Variants in ACTG1 observed in about 807,000 individuals in gnomAD.
The protein encoded by ACTG1 is actin gamma 1.
ACTG1 carries 14 observed loss-of-function variants against 34.3 expected under a neutral mutation model. That is an observed-to-expected ratio of 0.41 (90% CI 0.27 to 0.64). ACTG1 has a LOEUF of 0.64. ACTG1 is among the 30% of genes least tolerant of loss of function. The pLI is 0.33. For missense variants in ACTG1, 233 were observed against 529.5 expected (o/e 0.44, Z 5.50); for synonymous variants, 422 against 213.9 (o/e 1.97, Z -8.49).
At chr17:81,512,414 C>G in intron 1 of ACTG1, 54 bp from the exon 2 acceptor site, 1 of 1,613,232 alleles carries the variant, frequency 6.2e-7, no homozygotes, top group African/African-American at 1.3e-5. Context: ...GGTCCCCTCC[C>G]CACAGCCACC....
intron 1 of ACTG1, 148 bp downstream of exon 1, chr17:81,512,586 C>A (rs1362365792): frequency 1.3e-5 from 9 of 669,940 alleles, no homozygotes; most frequent in Admixed American, 2.7e-5. Flanking sequence ...CCGGCGCCCC[C>A]CCAGCCCCGT....
At position 81,512,150 on chromosome 17, in the gene ACTG1, GGAC is replaced by G; in HGVS notation, c.124-11_124-9del. 6.2e-7 allele frequency: 1 copy of G among 1,613,506 alleles called. No individual in the cohort carries two copies. The highest frequency in any genetic ancestry group is 8.5e-7 in the Non-Finnish European group (1 of 1,180,026). The stretch of plus-strand genomic sequence containing the variant: ...CATGCCCACCATGACGCCCTGCAGG[GGAC>G]GACCCGTCAGCCTCGCCGGCGACAC... On this transcript the variant is annotated splice_polypyrimidine_tract_variant and intron_variant, in intron 2 of 5. Coordinates refer to ENST00000573283, the MANE Select transcript of ACTG1 (RefSeq NM_001614.5).
In ACTG1 at chr17:81,512,765, A is replaced by G; in HGVS notation, c.-38T>C. Reference sequence around the variant, plus strand: ...AGAAACGCGACGGCGGAGCGGCGGAAGAACAGAGTGCGAGAGCTGGCAGCG... The same window carrying G: ...AGAAACGCGACGGCGGAGCGGCGGAGGAACAGAGTGCGAGAGCTGGCAGCG... On this transcript the variant is annotated 5_prime_UTR_variant, in exon 1 of 6. Coordinates refer to ENST00000573283, the MANE Select transcript of ACTG1 (RefSeq NM_001614.5). 1 of 415,628 alleles carries G rather than the reference A, an allele frequency of 2.4e-6. No homozygotes were observed. The highest frequency in any genetic ancestry group is 1.7e-5 in the South Asian group (1 of 59,502). 25.7% of individuals were successfully genotyped at this position (415,628 alleles called of 1,614,324 possible).
Position 81,512,752 on chromosome 17 carries a change from G to C in ACTG1, c.-25C>G, listed in dbSNP as rs1555667539. ...CGCTCACCGGCAGAGAAACGCGACG[G>C]CGGAGCGGCGGAAGAACAGAGTGCG... On this transcript the variant is annotated 5_prime_UTR_variant, in exon 1 of 6. Coordinates refer to ENST00000573283, the MANE Select transcript of ACTG1 (RefSeq NM_001614.5). 2 of 413,554 alleles carry C rather than the reference G, an allele frequency of 4.8e-6. No individual in the cohort carries two copies. The highest frequency in any genetic ancestry group is 2.8e-5 in the Admixed American group (1 of 35,206). 25.6% of individuals were successfully genotyped at this position (413,554 alleles called of 1,614,324 possible).
rs1364003906 is a variant in ACTG1 at position 81,510,537 on chromosome 17, G to C, written c.*153C>G. The C allele has an allele frequency of 1.0e-6, 1 of 963,744 alleles. No homozygotes were observed. The highest frequency in any genetic ancestry group is 2.5e-5 in the East Asian group (1 of 39,444). 59.7% of individuals were successfully genotyped at this position (963,744 alleles called of 1,614,324 possible). A position where few individuals can be genotyped will look rare whatever the true frequency, so the allele number is the denominator to read the frequency against. ...AATCAGCAACAAGTTCTACAATCCA[G>C]TGCTGATATCAGATACAAGCTTCAA... is the stretch of plus-strand genomic sequence containing the variant. On this transcript the variant is annotated 3_prime_UTR_variant, in exon 6 of 6. Coordinates refer to ENST00000573283, the MANE Select transcript of ACTG1 (RefSeq NM_001614.5).
chr17:81,512,781 G>T lies in ACTG1; in HGVS notation c.-54C>A. The stretch of plus-strand genomic sequence containing the variant: ...AGCGGCGGAAGAACAGAGTGCGAGA[G>T]CTGGCAGCGGCGACTGAGACCGACC... On this transcript the variant is annotated 5_prime_UTR_variant, in exon 1 of 6. Coordinates refer to ENST00000573283, the MANE Select transcript of ACTG1 (RefSeq NM_001614.5). 1 of 416,472 alleles carries T rather than the reference G, an allele frequency of 2.4e-6. No individual in the cohort carries two copies. Among genetic ancestry groups the T allele is most frequent in the Non-Finnish European group, 4.7e-6 (1 of 211,414 alleles). 25.8% of individuals were successfully genotyped at this position (416,472 alleles called of 1,614,324 possible).
In ACTG1 at chr17:81,512,149, G is replaced by T. The variant is rs782660034; in HGVS notation, c.124-7C>A. Reference sequence around the variant, plus strand: ...CCATGCCCACCATGACGCCCTGCAGGGGACGACCCGTCAGCCTCGCCGGCG... The same window carrying T: ...CCATGCCCACCATGACGCCCTGCAGTGGACGACCCGTCAGCCTCGCCGGCG... On this transcript the variant is annotated splice_region_variant and splice_polypyrimidine_tract_variant and intron_variant, in intron 2 of 5. Transcript: ENST00000573283. 3 of 1,613,516 alleles carry T rather than the reference G, an allele frequency of 1.9e-6. No homozygotes were observed. Among genetic ancestry groups the T allele is most frequent in the Admixed American group, 1.7e-5 (1 of 60,024 alleles).
rs1555666648 is a variant in ACTG1 at position 81,511,290 on chromosome 17, A to T, written c.700T>A (p.Ser234Thr). Residue 234 changes from serine to threonine, a missense_variant, in exon 4 of 6, where the codon TCT (serine) becomes ACT (threonine). Coordinates refer to ENST00000573283, the MANE Select transcript of ACTG1 (RefSeq NM_001614.5). ...EQEMATAASS[S>T]SLEKSYELPD... ...AGCTCGTAGCTCTTCTCCAGAGAAGAGGAGGATGCGGCGGTGGCCATCTCC... is the reference window on the plus strand; with the variant it reads ...AGCTCGTAGCTCTTCTCCAGAGAAGTGGAGGATGCGGCGGTGGCCATCTCC... 1 of 1,613,856 alleles carries T rather than the reference A, an allele frequency of 6.2e-7. No homozygotes were observed. The highest frequency in any genetic ancestry group is 8.5e-7 in the Non-Finnish European group (1 of 1,180,040).
Position 81,512,092 on chromosome 17 carries a change from G to C in ACTG1, c.174C>G (p.Ala58=), listed in dbSNP as rs782205858. 2.5e-6 allele frequency: 4 copies of C among 1,613,876 alleles called. No homozygotes were observed. The Admixed American group carries it at 5.0e-5, about 20-fold the overall frequency. ...GGGTCAGGATGCCACGCTTGCTCTG[G>C]GCCTCGTCGCCCACGTAGGAGTCCT... ...GQKDSYVGDE[A]QSKRGILTLK... is the part of the protein sequence containing the mutation. Residue 58 remains alanine (A), a synonymous_variant, in exon 3 of 6, where the codon GCC becomes GCG. Transcript: ENST00000573283.
At position 81,510,395 on chromosome 17, in the gene ACTG1, C is replaced by T. The variant is rs560322196; in HGVS notation, c.*295G>A. The T allele has an allele frequency of 9.8e-5, 50 of 510,198 alleles. No homozygotes were observed. The highest frequency in any genetic ancestry group is 6.3e-4 in the South Asian group (36 of 57,332). The allele number at this position is 510,198 out of a possible 1,614,324, so 31.6% of individuals were successfully genotyped here. On this transcript the variant is annotated 3_prime_UTR_variant, in exon 6 of 6. Coordinates refer to ENST00000573283, the MANE Select transcript of ACTG1 (RefSeq NM_001614.5). ...GCCACAGACTTGTCTTCCACAAGCACGTTCTTACCTTAGCCACGAAGTGAC... is the reference window on the plus strand; with the variant it reads ...GCCACAGACTTGTCTTCCACAAGCATGTTCTTACCTTAGCCACGAAGTGAC...
chr17:81,510,149 C>G lies in ACTG1; in HGVS notation c.*541G>C, dbSNP rs1349749275. The G allele has an allele frequency of 1.9e-6, 1 of 517,332 alleles. No homozygotes were observed. Among genetic ancestry groups the G allele is most frequent in the Non-Finnish European group, 3.5e-6 (1 of 284,610 alleles). 32.0% of individuals were successfully genotyped at this position (517,332 alleles called of 1,614,324 possible). A position where few individuals can be genotyped will look rare whatever the true frequency, so the allele number is the denominator to read the frequency against. On this transcript the variant is annotated 3_prime_UTR_variant, in exon 6 of 6. Coordinates refer to ENST00000573283, the MANE Select transcript of ACTG1 (RefSeq NM_001614.5). ...ATACATTTACAGGCGTAAATGCAAACCGCTTCCAACTCAAAGCAAGTAACA... is the reference window on the plus strand; with the variant it reads ...ATACATTTACAGGCGTAAATGCAAAGCGCTTCCAACTCAAAGCAAGTAACA...
chr17:81,512,629 C>T (rs879949247), intron 1 of ACTG1, 105 bp downstream of exon 1: 1 of 510,642 alleles, frequency 2.0e-6, no homozygotes, highest in Admixed American at 3.3e-5. Flanking sequence ...CCTTTTGTTC[C>T]CGGGGAAGGC....
rs782165228 is a variant in ACTG1, at chr17:81,511,987, C to T, written c.279G>A (p.Glu93=). ...EKIWHHTFYN[E]LRVAPEEHPV... ...GGTGCTCCTCCGGGGCCACGCGCAG[C>T]TCGTTGTAGAAGGTGTGGTGCCAGA... Residue 93 remains glutamate (E), a synonymous_variant, in exon 3 of 6, where the codon GAG becomes GAA. Transcript: ENST00000573283. The T allele has an allele frequency of 3.1e-6, 5 of 1,614,106 alleles. No individual in the cohort carries two copies. The highest frequency in any genetic ancestry group is 3.3e-5 in the Admixed American group (2 of 60,028).
chr17:81,512,227 C>G lies in ACTG1; in HGVS notation c.123+5G>C, dbSNP rs782606686. On this transcript the variant is annotated splice_donor_5th_base_variant and intron_variant, in intron 2 of 5. Transcript: ENST00000573283. ...CCCAGGAGCCCCGCGGCGCCATCCA[C>G]TCACCTGGTGTCTGGGGCGCCCGAC... The G allele has an allele frequency of 7.4e-6, 12 of 1,613,460 alleles. No homozygotes were observed. Among genetic ancestry groups the G allele is most frequent in the Non-Finnish European group, 1.0e-5 (12 of 1,179,966 alleles).
Position 81,511,099 on chromosome 17 carries a change from G to T in ACTG1, c.812C>A (p.Ser271Tyr). Reference sequence around the variant, plus strand: ...GAAGGTGGTCTCGTGGATGCCGCAAGATTCCATACCTAGGGGACAGAGCCC... The same window carrying T: ...GAAGGTGGTCTCGTGGATGCCGCAATATTCCATACCTAGGGGACAGAGCCC... Reference protein sequence around the residue: ...LFQPSFLGMESCGIHETTFNS... With the variant: ...LFQPSFLGMEYCGIHETTFNS... Residue 271 changes from serine to tyrosine, a missense_variant, in exon 5 of 6, where the codon TCT becomes TAT. Physicochemically the swap from Ser to Tyr is moderately radical, Grantham distance 144 (BLOSUM62 -2). Coordinates refer to ENST00000573283, the MANE Select transcript of ACTG1 (RefSeq NM_001614.5). 6.2e-7 allele frequency: 1 copy of T among 1,614,034 alleles called. No individual in the cohort carries two copies. Among genetic ancestry groups the T allele is most frequent in the Non-Finnish European group, 8.5e-7 (1 of 1,180,044 alleles).
Position 81,510,645 on chromosome 17 carries a change from C to A in ACTG1, c.*45G>T. The A allele has an allele frequency of 6.2e-7, 1 of 1,612,336 alleles. No homozygotes were observed. Among genetic ancestry groups the A allele is most frequent in the Non-Finnish European group, 8.5e-7 (1 of 1,179,576 alleles). On this transcript the variant is annotated 3_prime_UTR_variant, in exon 6 of 6. Coordinates refer to ENST00000573283, the MANE Select transcript of ACTG1 (RefSeq NM_001614.5). ...CATTTGCCAGGGGCAAATTTCTATT[C>A]TCAATTAACCCATGCAGCAAATGCT...
In ACTG1 at chr17:81,510,539, G is replaced by A. The variant is rs782458739; in HGVS notation, c.*151C>T. 4 of 974,140 alleles carry A rather than the reference G, an allele frequency of 4.1e-6. No homozygotes were observed. The highest frequency in any genetic ancestry group is 1.6e-5 in the African/African-American group (1 of 62,112). 60.3% of individuals were successfully genotyped at this position (974,140 alleles called of 1,614,324 possible). A position where few individuals can be genotyped will look rare whatever the true frequency, so the allele number is the denominator to read the frequency against. ...TCAGCAACAAGTTCTACAATCCAGTGCTGATATCAGATACAAGCTTCAAGG... is the reference window on the plus strand; with the variant it reads ...TCAGCAACAAGTTCTACAATCCAGTACTGATATCAGATACAAGCTTCAAGG... On this transcript the variant is annotated 3_prime_UTR_variant, in exon 6 of 6. Transcript: ENST00000573283.
chr17:81,510,631 G>A lies in ACTG1; in HGVS notation c.*59C>T, dbSNP rs751477808. On this transcript the variant is annotated 3_prime_UTR_variant, in exon 6 of 6. Transcript: ENST00000573283. ...GCATGAGGTGTGTGCATTTGCCAGG[G>A]GCAAATTTCTATTCTCAATTAACCC... 43 of 1,609,506 alleles carry A rather than the reference G, an allele frequency of 2.7e-5. No individual in the cohort carries two copies. The highest frequency in any genetic ancestry group is 9.4e-5 in the African/African-American group (7 of 74,802).
chr17:81,511,745 A>G, intron 3 of ACTG1, 119 bp from the exon 4 acceptor site: 1 of 1,522,940 alleles, frequency 6.6e-7, no homozygotes, highest in Non-Finnish European at 8.9e-7. Context: ...GAACGCAGGC[A>G]GAAACCAAAT....
Sources: allele counts gnomAD v4.1 joint callset, GRCh38; gene constraint gnomAD v4.1.1; transcripts MANE v1.5; gene names NCBI Gene and HGNC (gene_info 2026-07-23, HGNC 2026-07-21).